Variants in SVIP observed in about 807,000 individuals in gnomAD.
SVIP encodes small VCP/p97-interacting protein.
Under a neutral mutation model 12.9 loss-of-function variants are expected in SVIP, and 14 were observed. The ratio of observed to expected loss-of-function variants is 1.08; its 90% CI spans 0.72 to 1.70. The LOEUF (loss-of-function observed/expected upper bound fraction) is 1.70. Among genes scored for constraint, SVIP ranks in the 40% most tolerant of loss-of-function variants. SVIP has a pLI of 0.00. For missense variants in SVIP, 93 were observed against 90.8 expected, an observed-to-expected ratio of 1.02 and a Z score of -0.10; for synonymous variants, 35 against 33.3, an observed-to-expected ratio of 1.05 and a Z score of -0.17.
rs760679527 is a variant in SVIP at position 22,827,256 on chromosome 11, A to AT, written c.169dup (p.Ile57AsnfsTer17). ...CCCGGATGTAGCAATTTGTTTTTCT[A>AT]TTTTTTCCTTTTTCTTTCTCTTTTC... On this transcript the variant is annotated frameshift_variant, in exon 3 of 4. Transcript: ENST00000354193. LOFTEE classifies it high-confidence loss of function. The AT allele has an allele frequency of 2.0e-5, 32 of 1,610,480 alleles. No homozygotes were observed. The East Asian group carries it at 7.0e-4, about 35-fold the overall frequency.
chr11:22,827,776 G>A, intron 2 of SVIP, 48 bp downstream of exon 2: 1 of 1,492,524 alleles, frequency 6.7e-7, no homozygotes, highest in Non-Finnish European at 9.1e-7. Context: ...GAAGAATAAA[G>A]TCCAAACTCA....
In SVIP at chr11:22,822,010, G is replaced by A. The variant is rs921547540; in HGVS notation, c.*1109C>T. The A allele has an allele frequency of 1.1e-4, 16 of 152,098 alleles. No homozygotes were observed. The highest frequency in any genetic ancestry group is 3.6e-4 in the African/African-American group (15 of 41,430). The allele number at this position is 152,098 out of a possible 1,614,324, so 9.4% of individuals were successfully genotyped here. A position where few individuals can be genotyped will look rare whatever the true frequency, so the allele number is the denominator to read the frequency against. Reference sequence around the variant, plus strand: ...CTTAATATCTGCAAATTTTAATTTAGGGCTCAACATGTGGCCTTGCCATTT... The same window carrying A: ...CTTAATATCTGCAAATTTTAATTTAAGGCTCAACATGTGGCCTTGCCATTT... On this transcript the variant is annotated 3_prime_UTR_variant, in exon 4 of 4. Transcript: ENST00000354193.
At chr11:22,825,649 T>C (rs1004510509) in intron 3 of SVIP, among the ~76,000 whole-genome samples, 4 of 152,158 alleles carry the variant, frequency 2.6e-5, no homozygotes, top group Non-Finnish European at 4.4e-5. Context: ...GTAAGTAATA[T>C]AAGGCCTAAA....
rs150346868 is a variant in SVIP at position 22,820,762 on chromosome 11, A to G, written c.*2357T>C. ...TTTAAAAAACATGCAGCACGTTACAAAGAGGCCGTGTAATAATTCACAACT... is the reference window on the plus strand; with the variant it reads ...TTTAAAAAACATGCAGCACGTTACAGAGAGGCCGTGTAATAATTCACAACT... On this transcript the variant is annotated 3_prime_UTR_variant, in exon 4 of 4. Coordinates refer to ENST00000354193, the MANE Select transcript of SVIP (RefSeq NM_148893.3). 3.0e-4 allele frequency: 46 copies of G among 152,192 alleles called. No homozygotes were observed. The highest frequency in any genetic ancestry group is 1.1e-3 in the African/African-American group (46 of 41,436). The allele number at this position is 152,192 out of a possible 1,614,324, so 9.4% of individuals were successfully genotyped here. A position where few individuals can be genotyped will look rare whatever the true frequency, so the allele number is the denominator to read the frequency against.
At position 22,819,815 on chromosome 11, in the gene SVIP, T is replaced by C. The variant is rs1857421116; in HGVS notation, c.*3304A>G. The C allele has an allele frequency of 6.6e-6, 1 of 152,202 alleles. No homozygotes were observed. The highest frequency in any genetic ancestry group is 2.4e-5 in the African/African-American group (1 of 41,416). The allele number at this position is 152,202 out of a possible 1,614,324, so 9.4% of individuals were successfully genotyped here. On this transcript the variant is annotated 3_prime_UTR_variant, in exon 4 of 4. Transcript: ENST00000354193. ...CAAAAAAAGCCAATGCAATTCAGGA[T>C]ATAATAACAAAAAAGTATGATATCC...
intron 2 of SVIP, 121 bp downstream of exon 2, chr11:22,827,703 A>T: frequency 3.3e-6 from 2 of 602,300 alleles, no homozygotes; most frequent in African/African-American, 1.9e-5. Context: ...AATTACATTT[A>T]AATGTAAATT....
intron 2 of SVIP, 59 bp from the exon 3 acceptor site, chr11:22,827,379 A>G: frequency 2.1e-6 from 3 of 1,407,916 alleles, no homozygotes; most frequent in Non-Finnish European, 2.9e-6. Context: ...AGTGTGCAAA[A>G]CATTTTTTTG....
intron 1 of SVIP, 110 bp downstream of exon 1, chr11:22,829,585 C>T (rs1307064938): frequency 1.7e-6 from 2 of 1,164,738 alleles, no homozygotes; most frequent in Non-Finnish European, 2.4e-6. Flanking sequence ...CAGGGTCCCC[C>T]AGCGGGCTCT....
chr11:22,828,886 T>C (rs1204816603), intron 1 of SVIP, among the ~76,000 whole-genome samples: 1 of 152,234 alleles, frequency 6.6e-6, no homozygotes, highest in Non-Finnish European at 1.5e-5. Flanking sequence ...CAGGTTTATG[T>C]TAACTCCCTG....
chr11:22,828,842 T>C (rs931331479), intron 1 of SVIP, among the ~76,000 whole-genome samples: 4 of 152,216 alleles, frequency 2.6e-5, no homozygotes, highest in African/African-American at 9.7e-5. Context: ...AATACTTCAT[T>C]TTCTTCAACT....
At chr11:22,824,851 A>C (rs1268798598) in intron 3 of SVIP, among the ~76,000 whole-genome samples, 1 of 152,118 alleles carries the variant, frequency 6.6e-6, no homozygotes, top group African/African-American at 2.4e-5. Flanking sequence ...GGTGGAGCCC[A>C]ATGAACAATC....
Position 22,829,780 on chromosome 11 carries a change from C to T in SVIP, c.-32G>A, listed in dbSNP as rs1162332991. 2 of 1,582,584 alleles carry T rather than the reference C, an allele frequency of 1.3e-6. No individual in the cohort carries two copies. Among genetic ancestry groups the T allele is most frequent in the East Asian group, 2.3e-5 (1 of 43,130 alleles). On this transcript the variant is annotated 5_prime_UTR_variant, in exon 1 of 4. Coordinates refer to ENST00000354193, the MANE Select transcript of SVIP (RefSeq NM_148893.3). ...GACAGCTTGAGAACCCTGACCGGGT[C>T]CGGCCCAGGCCAGGCGGCGCTAACT... is the stretch of plus-strand genomic sequence containing the variant.
chr11:22,829,578 G>A, intron 1 of SVIP, 117 bp downstream of exon 1: 1 of 1,072,400 alleles, frequency 9.3e-7, no homozygotes, highest in Non-Finnish European at 1.4e-6. Context: ...TCGCTAGCAG[G>A]GTCCCCCAGC....
chr11:22,825,895 C>A (rs866857527), intron 3 of SVIP, among the ~76,000 whole-genome samples: 1 of 152,154 alleles, frequency 6.6e-6, no homozygotes, highest in Non-Finnish European at 1.5e-5. Flanking sequence ...TATTTCCAGT[C>A]CTACAATTTA....
intron 3 of SVIP, among the ~76,000 whole-genome samples, chr11:22,824,175 C>T (rs1420943504): frequency 6.6e-6 from 1 of 152,012 alleles, no homozygotes; most frequent in Admixed American, 6.6e-5. Context: ...AAATAAAACA[C>T]AACAAAACAA....
At position 22,819,500 on chromosome 11, in the gene SVIP, G is replaced by A. The variant is rs951043804; in HGVS notation, c.*3619C>T. 6 of 152,230 alleles carry A rather than the reference G, an allele frequency of 3.9e-5. No homozygotes were observed. The highest frequency in any genetic ancestry group is 7.3e-5 in the Non-Finnish European group (5 of 68,100). 9.4% of individuals were successfully genotyped at this position (152,230 alleles called of 1,614,324 possible). ...AATATAGCCAATGCAGGCCGGGCGCGGTGGCTCATGCCTGTAATCCCAGCA... is the reference window on the plus strand; with the variant it reads ...AATATAGCCAATGCAGGCCGGGCGCAGTGGCTCATGCCTGTAATCCCAGCA... On this transcript the variant is annotated 3_prime_UTR_variant, in exon 4 of 4. Coordinates refer to ENST00000354193, the MANE Select transcript of SVIP (RefSeq NM_148893.3).
Position 22,825,089 on chromosome 11 carries a change from C to T in SVIP, c.220-1956G>A, listed in dbSNP as rs149479881. Among the ~76,000 whole-genome samples the T allele has an allele frequency of 2.0e-3, 310 of 152,086 alleles. 1 individual carries two copies. Among genetic ancestry groups the T allele is most frequent in the Non-Finnish European group, 3.0e-3 (203 of 67,936 alleles). ...GGTCAGGAGATGAATAGGTGAAAGG[C>T]ATGAAGACAGGGAATGCAAACTAGA... On this transcript the variant is annotated intron_variant, in intron 3 of 3. Transcript: ENST00000354193.
intron 3 of SVIP, among the ~76,000 whole-genome samples, chr11:22,824,986 T>C (rs1411496033): frequency 2.0e-5 from 3 of 152,134 alleles, no homozygotes; most frequent in African/African-American, 7.2e-5. Flanking sequence ...CCTGATGCCA[T>C]CATCACATTG....
intron 3 of SVIP, among the ~76,000 whole-genome samples, chr11:22,825,215 C>T (rs893904726): frequency 2.0e-5 from 3 of 152,022 alleles, no homozygotes; most frequent in Non-Finnish European, 4.4e-5. Context: ...TCAGGCCAGC[C>T]CATGAAACAA....
Sources: allele counts gnomAD v4.1 joint callset (sites outside exome capture counted in the v4.1 genomes callset), GRCh38; gene constraint gnomAD v4.1.1; transcripts MANE v1.5; gene names NCBI Gene and HGNC (gene_info 2026-07-23, HGNC 2026-07-21).